The following GPC6 variants were observed in gnomAD, a reference collection of about 807,000 sequenced individuals.
GPC6 encodes the protein glypican-6.
GPC6 carries 14 observed loss-of-function variants against 55.2 expected under a neutral mutation model. The observed-to-expected ratio is 0.25, with a 90% CI of 0.17 to 0.40. The LOEUF is 0.40. Ranked by LOEUF, GPC6 falls within the 10% of genes least tolerant of loss-of-function variation. GPC6 has a pLI of 1.00. For synonymous variants in GPC6, 278 were observed against 259.6 expected (o/e 1.07, Z -0.68); for missense variants, 641 against 708.5 (o/e 0.90, Z 1.08).
chr13:93,853,043 T>C (rs1462548891), intron 3 of GPC6, among the ~76,000 whole-genome samples: 2 of 151,722 alleles, frequency 1.3e-5, no homozygotes, highest in East Asian at 3.9e-4. Flanking sequence ...TCTGGGGAAA[T>C]ACAGAAGAAA....
At chr13:94,136,049 G>A (rs1388828691) in intron 4 of GPC6, among the ~76,000 whole-genome samples, 2 of 152,094 alleles carry the variant, frequency 1.3e-5, no homozygotes, top group African/African-American at 4.8e-5. Flanking sequence ...TGGATAAAAG[G>A]TAACCAAATT....
chr13:94,110,931 A>C (rs1035804583), intron 4 of GPC6, among the ~76,000 whole-genome samples: 6 of 152,132 alleles, frequency 3.9e-5, no homozygotes, highest in Non-Finnish European at 5.9e-5. Flanking sequence ...TTTATTTGAT[A>C]GTGCTGACTT....
rs80214259 is a variant in GPC6, at chr13:94,007,888, A to G, written c.712-19841A>G. Among the ~76,000 whole-genome samples the G allele has an allele frequency of 9.5e-3, 1,446 of 152,258 alleles. 18 individuals carry two copies. Among genetic ancestry groups the G allele is most frequent in the Middle Eastern group, 0.034 (10 of 294 alleles). ...TCTAACGTACATTTTTAAGGAAACA[A>G]TTCAGATAATATACACTTAAAGTCA... On this transcript the variant is annotated intron_variant, in intron 3 of 8. Coordinates refer to ENST00000377047, the MANE Select transcript of GPC6 (RefSeq NM_005708.5).
At chr13:94,033,454 A>T (rs997981719) in intron 4 of GPC6, among the ~76,000 whole-genome samples, 1 of 152,212 alleles carries the variant, frequency 6.6e-6, no homozygotes, top group Non-Finnish European at 1.5e-5. Context: ...TGTTTGGGAA[A>T]ATGTTGCTAG....
chr13:93,382,848 T>C (rs1875237494), intron 1 of GPC6, among the ~76,000 whole-genome samples: 1 of 152,220 alleles, frequency 6.6e-6, no homozygotes, highest in South Asian at 2.1e-4. Flanking sequence ...ACATTGTCCC[T>C]ACTTCCCTAA....
At chr13:93,460,747 T>C (rs912977105) in intron 1 of GPC6, among the ~76,000 whole-genome samples, 14 of 152,274 alleles carry the variant, frequency 9.2e-5, no homozygotes, top group African/African-American at 3.4e-4. Flanking sequence ...GTTTTCTATA[T>C]TGATCAGACA....
intron 2 of GPC6, among the ~76,000 whole-genome samples, chr13:93,786,626 ATTGT>A (rs911626854): frequency 1.3e-5 from 2 of 152,108 alleles, no homozygotes; most frequent in African/African-American, 4.8e-5. Flanking sequence ...AATGCAATAA[ATTGT>A]TTGACGACTG....
rs1216258350 is a variant in GPC6 at position 93,822,761 on chromosome 13, C to T, written c.320-7393C>T. 2.0e-5 allele frequency among the ~76,000 whole-genome samples: 3 copies of T among 151,918 alleles called. No homozygotes were observed. The East Asian group carries it at 5.8e-4, about 29-fold the overall frequency. On this transcript the variant is annotated intron_variant, in intron 2 of 8. Coordinates refer to ENST00000377047, the MANE Select transcript of GPC6 (RefSeq NM_005708.5). Reference sequence around the variant, plus strand: ...GGTTTCCAGCTTCATTCATGTCCTGCAAAGAACATGAACTCATCCTTTTTT... The same window carrying T: ...GGTTTCCAGCTTCATTCATGTCCTGTAAAGAACATGAACTCATCCTTTTTT...
chr13:94,305,505 G>C (rs866492040), intron 5 of GPC6, among the ~76,000 whole-genome samples: 1 of 152,042 alleles, frequency 6.6e-6, no homozygotes, highest in African/African-American at 2.4e-5. Flanking sequence ...AAATCAACAA[G>C]AAAAAGCACA....
At chr13:94,234,174 T>G (rs1336338638) in intron 4 of GPC6, among the ~76,000 whole-genome samples, 1 of 152,120 alleles carries the variant, frequency 6.6e-6, no homozygotes, top group African/African-American at 2.4e-5. Flanking sequence ...CTCAGATAGG[T>G]GATTCAAAGC....
At chr13:93,326,449 C>A (rs1409971779) in intron 1 of GPC6, among the ~76,000 whole-genome samples, 1 of 151,994 alleles carries the variant, frequency 6.6e-6, no homozygotes, top group Non-Finnish European at 1.5e-5. Context: ...GCTACACACA[C>A]GCACACGCAC....
intron 1 of GPC6, among the ~76,000 whole-genome samples, chr13:93,229,519 C>G (rs1875938134): frequency 6.6e-6 from 1 of 152,138 alleles, no homozygotes; most frequent in African/African-American, 2.4e-5. Flanking sequence ...TCTTTAATAT[C>G]AAAGTGAAGA....
At chr13:93,851,598 TA>T (rs1481822059) in intron 3 of GPC6, among the ~76,000 whole-genome samples, 2 of 151,914 alleles carry the variant, frequency 1.3e-5, no homozygotes, top group Non-Finnish European at 2.9e-5. Flanking sequence ...CCACTGACTG[TA>T]ACCTTTAAAT....
At chr13:94,257,536 A>G (rs1277290966) in intron 4 of GPC6, among the ~76,000 whole-genome samples, 2 of 152,142 alleles carry the variant, frequency 1.3e-5, no homozygotes, top group Non-Finnish European at 2.9e-5. Flanking sequence ...TGTGAACCCC[A>G]CAAGTATTTC....
At chr13:93,268,482 A>C (rs551333061) in intron 1 of GPC6, among the ~76,000 whole-genome samples, 1 of 152,324 alleles carries the variant, frequency 6.6e-6, no homozygotes, top group African/African-American at 2.4e-5. Context: ...CTGAGAATAC[A>C]GCAATGAATC....
At chr13:93,771,740 A>C (rs1372824997) in intron 2 of GPC6, among the ~76,000 whole-genome samples, 1 of 152,074 alleles carries the variant, frequency 6.6e-6, no homozygotes, top group Admixed American at 6.6e-5. Context: ...AAAAAAGTCA[A>C]GCATAGGAGA....
chr13:94,018,290 T>TC, intron 3 of GPC6, among the ~76,000 whole-genome samples: 1 of 151,494 alleles, frequency 6.6e-6, no homozygotes, highest in East Asian at 2.0e-4. Flanking sequence ...TGTAGTATAA[T>TC]CCTTTTTTTT....
In GPC6 at chr13:94,345,095, T is replaced by G. The variant is rs543937730; in HGVS notation, c.1153-37319T>G. 4.6e-5 allele frequency among the ~76,000 whole-genome samples: 7 copies of G among 152,344 alleles called. No homozygotes were observed. The East Asian group carries it at 1.2e-3, about 25-fold the overall frequency. ...AAACAAGTCTATTAACTGGTCTATA[T>G]TTATAGAATCTCAAACGTTTGAAGC... On this transcript the variant is annotated intron_variant, in intron 6 of 8. Coordinates refer to ENST00000377047, the MANE Select transcript of GPC6 (RefSeq NM_005708.5).
intron 1 of GPC6, among the ~76,000 whole-genome samples, chr13:93,289,878 G>A (rs1025810647): frequency 7.2e-5 from 11 of 152,142 alleles, no homozygotes; most frequent in Admixed American, 1.3e-4. Flanking sequence ...CTGGTCATGA[G>A]AGGCTGATAT....
Sources: gnomAD v4.1 joint callset for allele counts (sites outside exome capture counted in the v4.1 genomes callset) on GRCh38, gnomAD v4.1.1 for gene constraint, MANE v1.5 for transcripts, NCBI Gene and HGNC (gene_info 2026-07-23, HGNC 2026-07-21) for gene names.